The following KHDC1 variants were observed in gnomAD, a reference collection of about 807,000 sequenced individuals.
KHDC1 encodes the protein KH homology domain-containing protein 1.
KHDC1 carries 21 observed loss-of-function variants against 24.7 expected under a neutral mutation model. That is an observed-to-expected ratio of 0.85 (90% CI 0.60 to 1.23). KHDC1 has a LOEUF of 1.23. Ranked by LOEUF, KHDC1 falls within the 50% of genes most tolerant of loss-of-function variation. The pLI is 0.00. For synonymous variants in KHDC1, 98 were observed against 111.7 expected (o/e 0.88, Z 0.77); for missense variants, 274 against 298.5 (o/e 0.92, Z 0.61).
intron 2 of KHDC1, among the ~76,000 whole-genome samples, chr6:73,280,933 G>A (rs1767392121): frequency 6.6e-6 from 1 of 152,046 alleles, no homozygotes; most frequent in Admixed American, 6.6e-5. Context: ...TTTTGGCTGG[G>A]CATGGTGGCT....
At chr6:73,304,247 G>A (rs1767923974) in intron 1 of KHDC1, among the ~76,000 whole-genome samples, 2 of 151,936 alleles carry the variant, frequency 1.3e-5, no homozygotes, top group Non-Finnish European at 2.9e-5. Flanking sequence ...CTGTGTAGTG[G>A]GTGTATTGAA....
intron 2 of KHDC1, among the ~76,000 whole-genome samples, chr6:73,243,400 T>A (rs1212056782): frequency 9.2e-6 from 1 of 108,172 alleles, no homozygotes; most frequent in Non-Finnish European, 2.1e-5. Flanking sequence ...CATCAGGAAT[T>A]TCATCTGTGG....
At chr6:73,309,851 C>G in exon 1 of KHDC1, 1 of 1,028,520 alleles carries the variant, frequency 9.7e-7, no homozygotes, top group Non-Finnish European at 1.4e-6. Flanking sequence ...AAGGAAAGGG[C>G]CACTTCGGGT....
At chr6:73,307,602 C>T (rs910575664) in intron 1 of KHDC1, among the ~76,000 whole-genome samples, 1 of 152,138 alleles carries the variant, frequency 6.6e-6, no homozygotes, top group African/African-American at 2.4e-5. Flanking sequence ...GCCTCTTGAT[C>T]CCCAGGCCAG....
rs1768037505 is a variant in KHDC1 at position 73,309,438 on chromosome 6, G to C, written c.163+114C>G. 3.7e-6 allele frequency: 4 copies of C among 1,071,452 alleles called. No homozygotes were observed. The East Asian group carries it at 8.1e-5, about 22-fold the overall frequency. The allele number at this position is 1,071,452 out of a possible 1,614,324, so 66.4% of individuals were successfully genotyped here. A position where few individuals can be genotyped will look rare whatever the true frequency, so the allele number is the denominator to read the frequency against. On this transcript the variant is annotated intron_variant, in intron 1 of 4. Transcript: ENST00000370384. ...CATGGTGATTTGCAGAACTGTCCTAGGCCTTCAGACTAAGGAGCTGGAGTG... is the reference window on the plus strand; with the variant it reads ...CATGGTGATTTGCAGAACTGTCCTACGCCTTCAGACTAAGGAGCTGGAGTG...
chr6:73,291,039 G>A, intron 2 of KHDC1: 1 of 399,718 alleles, frequency 2.5e-6, no homozygotes, highest in Middle Eastern at 8.7e-4. Context: ...GGAAGAGTAG[G>A]CTGCAGCTGA....
chr6:73,298,423 ATTTTTTTTTTT>A lies in KHDC1; in HGVS notation c.164-6394_164-6384del, dbSNP rs370446904. On this transcript the variant is annotated intron_variant, in intron 1 of 4. Coordinates refer to ENST00000370384, the Ensembl canonical transcript of KHDC1. ...CCTGGAAGGACTCTATACTTTGCAA[ATTTTTTTTTTT>A]TTTTTTTTTTTTTTTTTTTGAGACA... Among the ~76,000 whole-genome samples the A allele has an allele frequency of 1.1e-3, 65 of 59,976 alleles. 1 individual carries two copies. The highest frequency in any genetic ancestry group is 3.5e-3 in the African/African-American group (47 of 13,290). 39.3% of individuals were successfully genotyped at this position (59,976 alleles called of 152,430 possible). A position where few individuals can be genotyped will look rare whatever the true frequency, so the allele number is the denominator to read the frequency against.
intron 2 of KHDC1, chr6:73,290,282 AAAAAG>A (rs1283781870): frequency 6.0e-5 from 10 of 165,732 alleles, no homozygotes; most frequent in Admixed American, 3.0e-4. Context: ...TCCCAAAAAA[AAAAAG>A]AAAAGAAAAA....
At chr6:73,277,563 C>T (rs58857515) in intron 2 of KHDC1, among the ~76,000 whole-genome samples, 5,195 of 152,162 alleles carry the variant, frequency 0.034, 288 homozygotes, top group African/African-American at 0.12. Context: ...TTTAAAATAT[C>T]GCTTGGGCCA....
rs370965613 is a variant in KHDC1, at chr6:73,248,524, A to C, written c.207-5994T>G. Among the ~76,000 whole-genome samples, 15 of 152,320 alleles carry C rather than the reference A, an allele frequency of 9.8e-5. No individual in the cohort carries two copies. In the East Asian group the frequency reaches 2.3e-3, roughly 23 times the overall value. On this transcript the variant is annotated intron_variant, in intron 2 of 4. Coordinates refer to ENST00000370384, the Ensembl canonical transcript of KHDC1. Reference sequence around the variant, plus strand: ...GAAAGACTTAGGGTGAAGTAAACAGAAAGATTTCTTTTTGCCCAGAGGGAA... The same window carrying C: ...GAAAGACTTAGGGTGAAGTAAACAGCAAGATTTCTTTTTGCCCAGAGGGAA...
rs115202371 is a variant in KHDC1 at position 73,263,280 on chromosome 6, G to C, written c.207-20750C>G. 13 of 985,584 alleles carry C rather than the reference G, an allele frequency of 1.3e-5. No homozygotes were observed. The South Asian group carries it at 4.7e-4, about 36-fold the overall frequency. 61.1% of individuals were successfully genotyped at this position (985,584 alleles called of 1,614,324 possible). On this transcript the variant is annotated intron_variant, in intron 2 of 4. Coordinates refer to ENST00000370384, the Ensembl canonical transcript of KHDC1. ...TCCCGCCTGCTCTGTGTAGGAGACAGCCTGCGGAGCCCACTGCCGGCGCGC... is the reference window on the plus strand; with the variant it reads ...TCCCGCCTGCTCTGTGTAGGAGACACCCTGCGGAGCCCACTGCCGGCGCGC...
chr6:73,251,760 CT>C (rs1402104889), intron 2 of KHDC1, among the ~76,000 whole-genome samples: 5 of 151,318 alleles, frequency 3.3e-5, no homozygotes, highest in African/African-American at 1.2e-4. Context: ...AAATCATATC[CT>C]TTTTAAAAAA....
chr6:73,303,517 A>G (rs1339346757), intron 1 of KHDC1, among the ~76,000 whole-genome samples: 1 of 152,244 alleles, frequency 6.6e-6, no homozygotes, highest in Non-Finnish European at 1.5e-5. Flanking sequence ...AGTTTTCAGT[A>G]AAGAACACAA....
chr6:73,255,214 C>CTTTTTT (rs765910035), intron 2 of KHDC1, among the ~76,000 whole-genome samples: 2 of 121,270 alleles, frequency 1.6e-5, no homozygotes, highest in African/African-American at 3.1e-5. Flanking sequence ...AAAAAATAAA[C>CTTTTTT]TTTTTTTTTT....
intron 2 of KHDC1, among the ~76,000 whole-genome samples, chr6:73,244,690 T>C (rs867696517): frequency 3.3e-4 from 1 of 3,024 alleles, no homozygotes; most frequent in Non-Finnish European, 5.6e-4. Flanking sequence ...TTGGGGGAGG[T>C]GGGCGGGGGG....
At chr6:73,255,126 A>G (rs1178696644) in intron 2 of KHDC1, among the ~76,000 whole-genome samples, 3 of 151,726 alleles carry the variant, frequency 2.0e-5, no homozygotes, top group Non-Finnish European at 4.4e-5. Context: ...CAATAAAGAT[A>G]TATATTCAAA....
intron 2 of KHDC1, among the ~76,000 whole-genome samples, chr6:73,258,546 A>G (rs755473913): frequency 1.3e-5 from 2 of 152,244 alleles, no homozygotes; most frequent in Non-Finnish European, 2.9e-5. Flanking sequence ...GTGTTAGCCC[A>G]GTTAAAGTGA....
At chr6:73,254,375 C>T (rs1015249636) in intron 2 of KHDC1, among the ~76,000 whole-genome samples, 8 of 151,634 alleles carry the variant, frequency 5.3e-5, no homozygotes, top group East Asian at 1.9e-4. Flanking sequence ...GCAGGAGAAT[C>T]GCTTGAGCCA....
chr6:73,285,076 C>T (rs951162564), intron 2 of KHDC1, among the ~76,000 whole-genome samples: 17 of 151,930 alleles, frequency 1.1e-4, no homozygotes, highest in African/African-American at 3.9e-4. Context: ...AACTGCTGAC[C>T]TCAGGTGATC....
Sources: allele counts gnomAD v4.1 joint callset (sites outside exome capture counted in the v4.1 genomes callset), GRCh38; gene constraint gnomAD v4.1.1; transcripts MANE v1.5; gene names NCBI Gene and HGNC (gene_info 2026-07-23, HGNC 2026-07-21).